The following VWA3B variants were observed in gnomAD, a reference collection of about 807,000 sequenced individuals.
The protein encoded by VWA3B is von Willebrand factor A domain containing 3B, also known as von Willebrand factor A domain-containing protein 3B.
Under a neutral mutation model 158.3 loss-of-function variants are expected in VWA3B, and 138 were observed. The observed-to-expected ratio is 0.87, with a 90% CI of 0.76 to 1.00. The LOEUF is 1.00. VWA3B is among the 50% of genes least tolerant of loss of function. The probability of loss-of-function intolerance (pLI) is 0.00; values close to 1 mark genes in which losing one functional copy is unlikely to be tolerated. For missense variants in VWA3B, 1,555 were observed against 1,565.1 expected (o/e 0.99, Z 0.11); for synonymous variants, 596 against 587.3 (o/e 1.01, Z -0.21).
chr2:98,239,528 GT>G lies in VWA3B; in HGVS notation c.2673+2810del, dbSNP rs60351860. Among the ~76,000 whole-genome samples the G allele has an allele frequency of 1.7e-3, 240 of 143,166 alleles. 2 individuals carry two copies. The highest frequency in any genetic ancestry group is 3.6e-3 in the Middle Eastern group (1 of 278). 93.9% of individuals were successfully genotyped at this position (143,166 alleles called of 152,430 possible). A position where few individuals can be genotyped will look rare whatever the true frequency, so the allele number is the denominator to read the frequency against. On this transcript the variant is annotated intron_variant, in intron 19 of 27. Coordinates refer to ENST00000477737, the MANE Select transcript of VWA3B (RefSeq NM_144992.5). ...CTGGGTGGTGAGATTGTTGGGAGATGTTTTTTTTTTTTAAATTTATGTAGCT... is the reference window on the plus strand; with the variant it reads ...CTGGGTGGTGAGATTGTTGGGAGATGTTTTTTTTTTTAAATTTATGTAGCT...
chr2:98,326,396 T>A, the VWA3B span, among the ~76,000 whole-genome samples: 46 of 152,340 alleles, frequency 3.0e-4, no homozygotes, highest in Admixed American at 1.6e-3. Flanking sequence ...AAATTTGCTA[T>A]CAAAACCCTT....
intron 11 of VWA3B, among the ~76,000 whole-genome samples, chr2:98,193,734 C>T (rs560958399): frequency 6.6e-5 from 10 of 152,050 alleles, no homozygotes; most frequent in African/African-American, 1.2e-4. Flanking sequence ...GGACTACAGG[C>T]GCCTGCCACC....
At chr2:98,197,344 G>A (rs1203515777) in intron 12 of VWA3B, among the ~76,000 whole-genome samples, 1 of 152,152 alleles carries the variant, frequency 6.6e-6, no homozygotes, top group Non-Finnish European at 1.5e-5. Flanking sequence ...ATTTGGTTAA[G>A]GTGACATCTG....
Position 98,185,070 on chromosome 2 carries a change from C to T in VWA3B, c.1312-2905C>T, listed in dbSNP as rs1416347878. Among the ~76,000 whole-genome samples the T allele has an allele frequency of 2.0e-5, 3 of 152,208 alleles. No individual in the cohort carries two copies. In the East Asian group the frequency reaches 5.8e-4, roughly 29 times the overall value. On this transcript the variant is annotated intron_variant, in intron 9 of 27. Coordinates refer to ENST00000477737, the MANE Select transcript of VWA3B (RefSeq NM_144992.5). ...TTTCCCAGTGACTTCCTCCCCAACTCCATCTCTACCACTCCTGCCTTAGGC... is the reference window on the plus strand; with the variant it reads ...TTTCCCAGTGACTTCCTCCCCAACTTCATCTCTACCACTCCTGCCTTAGGC...
At chr2:98,138,034 C>T (rs756226281) in intron 7 of VWA3B, among the ~76,000 whole-genome samples, 1 of 152,236 alleles carries the variant, frequency 6.6e-6, no homozygotes, top group Non-Finnish European at 1.5e-5. Flanking sequence ...CTCCCCTTTG[C>T]CTCTGCCTCC....
intron 2 of VWA3B, among the ~76,000 whole-genome samples, chr2:98,096,196 T>C (rs1338092534): frequency 1.3e-5 from 2 of 152,168 alleles, no homozygotes; most frequent in Admixed American, 1.3e-4. Context: ...GAAGAATTGG[T>C]ATTAGTTCTT....
At position 98,160,030 on chromosome 2, in the gene VWA3B, T is replaced by G. The variant is rs536044582; in HGVS notation, c.989-2821T>G. ...ATTAAAAAAAAAAAAAAAAGATACA[T>G]AAAGATACATACAGCTTCCTGCTGT... On this transcript the variant is annotated intron_variant, in intron 7 of 27. Transcript: ENST00000477737. 4.2e-4 allele frequency among the ~76,000 whole-genome samples: 63 copies of G among 148,966 alleles called. No individual in the cohort carries two copies. In the East Asian group the frequency reaches 0.012, roughly 28 times the overall value.
chr2:98,274,822 C>A (rs1255829294), intron 22 of VWA3B, among the ~76,000 whole-genome samples: 2 of 152,116 alleles, frequency 1.3e-5, no homozygotes, highest in African/African-American at 4.8e-5. Context: ...AGTCCTTGAG[C>A]CAGGTAGGAA....
chr2:98,244,749 A>T (rs1686285013), intron 19 of VWA3B, among the ~76,000 whole-genome samples: 1 of 152,210 alleles, frequency 6.6e-6, no homozygotes, highest in East Asian at 1.9e-4. Context: ...GCAATTAAAT[A>T]CATTTGTCTA....
intron 5 of VWA3B, among the ~76,000 whole-genome samples, chr2:98,122,987 G>A (rs928076448): frequency 3.3e-5 from 5 of 152,230 alleles, no homozygotes; most frequent in Non-Finnish European, 7.3e-5. Flanking sequence ...CCACAGCCTT[G>A]ATCTGGGGGT....
chr2:98,139,115 C>G (rs891364749), intron 7 of VWA3B, among the ~76,000 whole-genome samples: 2 of 152,178 alleles, frequency 1.3e-5, no homozygotes, highest in African/African-American at 4.8e-5. Context: ...CCGGCCCTGC[C>G]GGCCCCAGGC....
At chr2:98,091,635 A>G (rs1328441560) in intron 1 of VWA3B, among the ~76,000 whole-genome samples, 1 of 152,240 alleles carries the variant, frequency 6.6e-6, no homozygotes, top group East Asian at 1.9e-4. Flanking sequence ...ATGATGTTAA[A>G]TAAGTGCTTG....
At chr2:98,088,118 T>C (rs920435496) in intron 1 of VWA3B, among the ~76,000 whole-genome samples, 2 of 152,202 alleles carry the variant, frequency 1.3e-5, no homozygotes, top group Admixed American at 6.5e-5. Flanking sequence ...AAGAGTTGCA[T>C]CAGGATCCAT....
chr2:98,148,204 A>T (rs1677334392), intron 7 of VWA3B, among the ~76,000 whole-genome samples: 1 of 152,202 alleles, frequency 6.6e-6, no homozygotes, highest in African/African-American at 2.4e-5. Context: ...TTGCTTTCCA[A>T]AAAATACTTT....
intron 12 of VWA3B, 146 bp downstream of exon 12, chr2:98,194,638 G>C: frequency 1.1e-6 from 1 of 909,106 alleles, no homozygotes; most frequent in Non-Finnish European, 1.6e-6. Context: ...TTTGCTTGCA[G>C]TGGTCACGTT....
chr2:98,328,153 T>A, the VWA3B span, among the ~76,000 whole-genome samples: 1 of 152,202 alleles, frequency 6.6e-6, no homozygotes, highest in Admixed American at 6.5e-5. Flanking sequence ...TGTGTGTTAC[T>A]GCCACTCATG....
rs752937886 is a variant in VWA3B at position 98,093,278 on chromosome 2, A to C, written c.186A>C (p.Pro62=). ...LKQILSQIGF[P]HCEDYVASLG... is the part of the protein sequence containing the mutation. ...AGATTTTGTCACAGATCGGATTCCC[A>C]CATTGTGAAGGTACAGTACTCACAA... is the stretch of plus-strand genomic sequence containing the variant. Residue 62 remains proline (P), a synonymous_variant, in exon 2 of 28, where the codon CCA becomes CCC. Transcript: ENST00000477737. 6.2e-7 allele frequency: 1 copy of C among 1,614,034 alleles called. No homozygotes were observed. The highest frequency in any genetic ancestry group is 1.7e-5 in the Admixed American group (1 of 60,024).
intron 2 of VWA3B, among the ~76,000 whole-genome samples, chr2:98,097,017 C>T (rs1487588664): frequency 2.0e-5 from 3 of 152,104 alleles, no homozygotes; most frequent in African/African-American, 2.4e-5. Flanking sequence ...TCCTCTTAGA[C>T]TGCTTTTGCT....
intron 12 of VWA3B, among the ~76,000 whole-genome samples, chr2:98,211,248 T>A (rs1011492731): frequency 6.6e-6 from 1 of 152,172 alleles, no homozygotes; most frequent in African/African-American, 2.4e-5. Flanking sequence ...GGAACTGAGA[T>A]GAGGGGGATG....
Sources: allele counts gnomAD v4.1 joint callset (sites outside exome capture counted in the v4.1 genomes callset), GRCh38; gene constraint gnomAD v4.1.1; transcripts MANE v1.5; gene names NCBI Gene and HGNC (gene_info 2026-07-23, HGNC 2026-07-21).